Variants in MYO7B observed in about 807,000 individuals in gnomAD.
The protein encoded by MYO7B is unconventional myosin-VIIb.
In MYO7B, 212 loss-of-function variants were observed where a neutral mutation model predicts 259.7. That is an observed-to-expected ratio of 0.82 (90% CI 0.73 to 0.91). The LOEUF (loss-of-function observed/expected upper bound fraction) is 0.91. Ranked by LOEUF, MYO7B falls within the 40% of genes least tolerant of loss-of-function variation. MYO7B has a pLI of 0.00. For missense variants in MYO7B, 2,732 were observed against 2,813.5 expected (o/e 0.97, Z 0.66); for synonymous variants, 1,197 against 1,166.4 (o/e 1.03, Z -0.54).
rs542570638 is a variant in MYO7B at position 127,566,519 on chromosome 2, TCCC to T, written c.286-122_286-120del. 1.6e-5 allele frequency: 14 copies of T among 870,598 alleles called. No individual in the cohort carries two copies. The East Asian group carries it at 3.6e-4, about 22-fold the overall frequency. The allele number at this position is 870,598 out of a possible 1,614,324, so 53.9% of individuals were successfully genotyped here. A position where few individuals can be genotyped will look rare whatever the true frequency, so the allele number is the denominator to read the frequency against. ...CCCTGGCCCAGAATCAGATTCTACT[TCCC>T]CACCAAAGTCAGTGGCCCTGATAAC... On this transcript the variant is annotated intron_variant, in intron 4 of 47. Coordinates refer to ENST00000409816, the MANE Select transcript of MYO7B (RefSeq NM_001393586.1).
chr2:127,550,776 G>A (rs1489163661), intron 1 of MYO7B, among the ~76,000 whole-genome samples: 1 of 151,948 alleles, frequency 6.6e-6, no homozygotes, highest in Admixed American at 6.6e-5. Flanking sequence ...GGACGGTGAG[G>A]CTAAGAAAAT....
intron 5 of MYO7B, among the ~76,000 whole-genome samples, chr2:127,568,909 A>G (rs1264827365): frequency 2.0e-5 from 3 of 151,604 alleles, no homozygotes; most frequent in Non-Finnish European, 2.9e-5. Flanking sequence ...CAAAAAAAAA[A>G]AAAGACAGTA....
At chr2:127,620,658 C>T (rs1256019087) in intron 27 of MYO7B, among the ~76,000 whole-genome samples, 192 bp downstream of exon 27, 1 of 152,224 alleles carries the variant, frequency 6.6e-6, no homozygotes, top group African/African-American at 2.4e-5. Context: ...GGACCCTGCT[C>T]CTGGCTCCTT....
intron 16 of MYO7B, 55 bp from the exon 17 acceptor site, chr2:127,592,739 G>C (rs1245111725): frequency 5.7e-6 from 9 of 1,570,220 alleles, no homozygotes; most frequent in Non-Finnish European, 7.8e-6. Flanking sequence ...GCCGGGAAGG[G>C]GGGTGGCTGG....
Position 127,604,815 on chromosome 2 carries a change from A to T in MYO7B, c.2340-1029A>T, listed in dbSNP as rs1680103816. ...AGCAGTCAAAACACACACATTTGTT[A>T]AGTTTCCCATCTTATATGGGTGCAG... On this transcript the variant is annotated intron_variant, in intron 19 of 47. Coordinates refer to ENST00000409816, the MANE Select transcript of MYO7B (RefSeq NM_001393586.1). Among the ~76,000 whole-genome samples, 4 of 152,220 alleles carry T rather than the reference A, an allele frequency of 2.6e-5. No individual in the cohort carries two copies. The South Asian group carries it at 8.3e-4, about 32-fold the overall frequency.
At position 127,580,669 on chromosome 2, in the gene MYO7B, G is replaced by A. The variant is rs141357507; in HGVS notation, c.1004-77G>A. 7 of 1,419,064 alleles carry A rather than the reference G, an allele frequency of 4.9e-6. No homozygotes were observed. The East Asian group carries it at 1.5e-4, about 30-fold the overall frequency. 87.9% of individuals were successfully genotyped at this position (1,419,064 alleles called of 1,614,324 possible). A position where few individuals can be genotyped will look rare whatever the true frequency, so the allele number is the denominator to read the frequency against. ...TCCTGAGTGGATCTGGGGCTGCCAA[G>A]GGCCCGGGCCAGTCGGGACCTTGCT... On this transcript the variant is annotated intron_variant, in intron 9 of 47. Coordinates refer to ENST00000409816, the MANE Select transcript of MYO7B (RefSeq NM_001393586.1).
In MYO7B at chr2:127,634,629, G is replaced by T; in HGVS notation, c.5659G>T (p.Asp1887Tyr). The change falls in exon 42 of 48, where the codon GAT becomes TAT. Residue 1887 changes from aspartate to tyrosine, a missense_variant. Transcript: ENST00000409816. ...ISQKEGDFFF[D>Y]SLREVSDWVK... Reference sequence around the variant, plus strand: ...CCAGAAGGAGGGAGACTTCTTCTTTGATTCCTTGAGGGAGGTGTCTGACTG... The same window carrying T: ...CCAGAAGGAGGGAGACTTCTTCTTTTATTCCTTGAGGGAGGTGTCTGACTG... The T allele has an allele frequency of 6.2e-7, 1 of 1,612,990 alleles. No homozygotes were observed. Among genetic ancestry groups the T allele is most frequent in the Non-Finnish European group, 8.5e-7 (1 of 1,179,528 alleles).
At position 127,628,184 on chromosome 2, in the gene MYO7B, T is replaced by C; in HGVS notation, c.4461-188T>C. On this transcript the variant is annotated intron_variant, in intron 33 of 47. Coordinates refer to ENST00000409816, the MANE Select transcript of MYO7B (RefSeq NM_001393586.1). The surrounding 1 kb of genome is among the most constrained non-coding windows in gnomAD (Gnocchi z 4.8). ...TGCACCACTCTCAGCCTCCGAGAGGTCCTGTGCTCCGCCGTCCTTCATTTG... is the reference window on the plus strand; with the variant it reads ...TGCACCACTCTCAGCCTCCGAGAGGCCCTGTGCTCCGCCGTCCTTCATTTG... The C allele has an allele frequency of 1.3e-6, 1 of 742,692 alleles. No homozygotes were observed. Among genetic ancestry groups the C allele is most frequent in the Non-Finnish European group, 2.4e-6 (1 of 425,374 alleles). The allele number at this position is 742,692 out of a possible 1,614,324, so 46.0% of individuals were successfully genotyped here. A position where few individuals can be genotyped will look rare whatever the true frequency, so the allele number is the denominator to read the frequency against.
chr2:127,583,280 G>GC (rs1183100463), intron 12 of MYO7B, among the ~76,000 whole-genome samples: 1 of 152,060 alleles, frequency 6.6e-6, no homozygotes, highest in African/African-American at 2.4e-5. Flanking sequence ...ATTTAGAAGG[G>GC]CCCCCCTTGG....
rs2245408 is a variant in MYO7B, at chr2:127,624,142, G to A, written c.3869G>A (p.Arg1290Gln). 3,561 of 1,593,602 alleles carry A rather than the reference G, an allele frequency of 2.2e-3. 78 individuals carry two copies. In the African/African-American group the frequency reaches 0.038, roughly 17 times the overall value. ...GRDHMMDAIA[R>Q]CEQMAQERGE... is the part of the protein sequence containing the mutation. The stretch of plus-strand genomic sequence containing the variant: ...GACCACATGATGGATGCCATCGCCC[G>A]GTGTGAGCAGATGGCCCAGGAGAGG... Residue 1290 changes from arginine (R) to glutamine (Q), a missense_variant, in exon 30 of 48, where the codon CGG becomes CAG. Physicochemically the swap from Arg to Gln is conservative, Grantham distance 43 (BLOSUM62 1). Coordinates refer to ENST00000409816, the MANE Select transcript of MYO7B (RefSeq NM_001393586.1).
At chr2:127,631,068 C>A in intron 36 of MYO7B, 138 bp from the exon 37 acceptor site, 1 of 1,390,334 alleles carries the variant, frequency 7.2e-7, no homozygotes, top group Non-Finnish European at 9.6e-7. Context: ...CCTTCCCAGG[C>A]CAGGGGAGTC....
chr2:127,624,866 A>T (rs1303030761), intron 30 of MYO7B, among the ~76,000 whole-genome samples: 1 of 152,186 alleles, frequency 6.6e-6, no homozygotes, highest in Non-Finnish European at 1.5e-5. Context: ...AGTCAGGCAG[A>T]TGCTGTTCCG....
In MYO7B at chr2:127,631,248, G is replaced by GGCCCGT. The variant is rs776640645; in HGVS notation, c.4988_4993dup (p.Ala1663_Arg1664dup). ...TGGTGAGCATGGCCGTGCTGCCCCTGGCCCGTGCCCGTGGCCACCTGTGGG... is the reference window on the plus strand; with the variant it reads ...TGGTGAGCATGGCCGTGCTGCCCCTGGCCCGTGCCCGTGCCCGTGGCCACCTGTGGG... On this transcript the variant is annotated inframe_insertion, in exon 37 of 48. Coordinates refer to ENST00000409816, the MANE Select transcript of MYO7B (RefSeq NM_001393586.1). 2 of 1,610,906 alleles carry GGCCCGT rather than the reference G, an allele frequency of 1.2e-6. No homozygotes were observed. Among genetic ancestry groups the GGCCCGT allele is most frequent in the Admixed American group, 1.7e-5 (1 of 59,890 alleles).
chr2:127,580,633 G>A, intron 9 of MYO7B, 113 bp from the exon 10 acceptor site: 2 of 1,031,432 alleles, frequency 1.9e-6, no homozygotes, highest in Non-Finnish European at 2.9e-6. Flanking sequence ...CTTACGCCAG[G>A]GCAGCTGTCC....
At chr2:127,537,480 C>T (rs1433412700) in intron 1 of MYO7B, among the ~76,000 whole-genome samples, 2 of 152,160 alleles carry the variant, frequency 1.3e-5, no homozygotes, top group Admixed American at 1.3e-4. Flanking sequence ...GTCCACATAC[C>T]AAGCTGTTCA....
intron 7 of MYO7B, among the ~76,000 whole-genome samples, chr2:127,574,534 T>A (rs1310820994): frequency 6.6e-6 from 1 of 152,214 alleles, no homozygotes; most frequent in African/African-American, 2.4e-5. Context: ...AGTGAAACTC[T>A]GTCTCAAAAA....
In MYO7B at chr2:127,552,707, C is replaced by T. The variant is rs577554809; in HGVS notation, c.-23-6993C>T. Among the ~76,000 whole-genome samples, 13 of 152,258 alleles carry T rather than the reference C, an allele frequency of 8.5e-5. No homozygotes were observed. The East Asian group carries it at 2.3e-3, about 27-fold the overall frequency. On this transcript the variant is annotated intron_variant, in intron 1 of 47. Transcript: ENST00000409816. ...GGAGGGCAGGACCACGGGTGGGCCT[C>T]AAACTTCCACATGGGGTGGAGAATC...
intron 15 of MYO7B, 101 bp downstream of exon 15, chr2:127,588,656 G>A: frequency 1.4e-6 from 2 of 1,403,278 alleles, no homozygotes; most frequent in Non-Finnish European, 1.9e-6. Flanking sequence ...TGGGTCCACA[G>A]CATGCAGTTG....
intron 38 of MYO7B, 55 bp downstream of exon 38, chr2:127,631,808 C>T: frequency 6.3e-7 from 1 of 1,582,952 alleles, no homozygotes; most frequent in Admixed American, 1.7e-5. Flanking sequence ...CATCCCGGCC[C>T]CTGAGGCCAG....
Sources: allele counts gnomAD v4.1 joint callset (sites outside exome capture counted in the v4.1 genomes callset), GRCh38; gene constraint gnomAD v4.1.1; non-coding constraint Gnocchi (gnomAD v3.1); transcripts MANE v1.5; gene names NCBI Gene and HGNC (gene_info 2026-07-23, HGNC 2026-07-21).